Variants in MTUS2 observed in about 807,000 individuals in gnomAD.
The protein encoded by MTUS2 is microtubule-associated tumor suppressor candidate 2.
Under a neutral mutation model 114.1 loss-of-function variants are expected in MTUS2, and 40 were observed. The observed-to-expected ratio is 0.35, with a 90% CI of 0.27 to 0.46. The LOEUF (loss-of-function observed/expected upper bound fraction) is 0.46, where lower values mean the gene tolerates loss of function less well. MTUS2 is among the 20% of genes least tolerant of loss of function. The pLI is 1.00. For missense variants in MTUS2, 1,679 were observed against 1,705.4 expected (o/e 0.98, Z 0.27); for synonymous variants, 688 against 672.0 (o/e 1.02, Z -0.37).
chr13:29,241,442 C>G (rs1303372128), intron 5 of MTUS2, among the ~76,000 whole-genome samples: 1 of 152,154 alleles, frequency 6.6e-6, no homozygotes, highest in African/African-American at 2.4e-5. Flanking sequence ...CGGGGTCTCA[C>G]ATTCCCAGCA....
At chr13:28,861,463 A>G (rs1486917316) in intron 2 of MTUS2, among the ~76,000 whole-genome samples, 2 of 144,882 alleles carry the variant, frequency 1.4e-5, no homozygotes, top group African/African-American at 5.1e-5. Context: ...TTTACCCTTA[A>G]TGGTGTTAAC....
At chr13:29,002,390 C>T (rs1885423280) in intron 2 of MTUS2, among the ~76,000 whole-genome samples, 1 of 152,170 alleles carries the variant, frequency 6.6e-6, no homozygotes. Flanking sequence ...CCTGCTTATA[C>T]CACAATTGAT....
chr13:29,440,189 T>TGCTG, intron 9 of MTUS2, 140 bp downstream of exon 9: 4 of 790,800 alleles, frequency 5.1e-6, no homozygotes, highest in South Asian at 1.7e-5. Context: ...CCCAGCACAG[T>TGCTG]GGTGGGCTGC....
intron 2 of MTUS2, among the ~76,000 whole-genome samples, chr13:28,896,375 C>T (rs1308952416): frequency 6.6e-6 from 1 of 152,156 alleles, no homozygotes; most frequent in Non-Finnish European, 1.5e-5. Context: ...AGGAGAACTA[C>T]AAACCACTGC....
At chr13:28,824,965 C>T (rs188582581) in intron 1 of MTUS2, among the ~76,000 whole-genome samples, 96 of 152,262 alleles carry the variant, frequency 6.3e-4, no homozygotes, top group Non-Finnish European at 6.6e-4. Flanking sequence ...GAGCAGAGCC[C>T]TAAAGGAGAT....
intron 2 of MTUS2, among the ~76,000 whole-genome samples, chr13:28,975,175 A>G (rs1884032167): frequency 1.3e-5 from 2 of 152,186 alleles, no homozygotes; most frequent in Admixed American, 1.3e-4. Flanking sequence ...TGCTATTGAA[A>G]ATGTTAGTGT....
At chr13:29,094,908 T>C (rs68086952) in intron 4 of MTUS2, among the ~76,000 whole-genome samples, 9,646 of 152,128 alleles carry the variant, frequency 0.063, 337 homozygotes, top group Non-Finnish European at 0.082. Context: ...ATTTTCTAAT[T>C]CCCCTTTCAA....
At chr13:29,340,763 G>T (rs527725992) in intron 7 of MTUS2, among the ~76,000 whole-genome samples, 1 of 152,154 alleles carries the variant, frequency 6.6e-6, no homozygotes, top group South Asian at 2.1e-4. Flanking sequence ...AGCAGTGTAC[G>T]TTGCATGCAA....
intron 5 of MTUS2, among the ~76,000 whole-genome samples, chr13:29,230,971 T>C (rs1275253412): frequency 6.6e-6 from 1 of 152,226 alleles, no homozygotes; most frequent in Non-Finnish European, 1.5e-5. Context: ...TTCAGTACTT[T>C]AGAAAATATC....
chr13:29,208,648 C>T (rs1895295583), intron 5 of MTUS2, among the ~76,000 whole-genome samples: 2 of 152,070 alleles, frequency 1.3e-5, no homozygotes, highest in Non-Finnish European at 2.9e-5. Context: ...TCATTTGGTT[C>T]AAAGAATTTT....
At chr13:28,969,960 T>C (rs1883776937) in intron 2 of MTUS2, among the ~76,000 whole-genome samples, 1 of 152,216 alleles carries the variant, frequency 6.6e-6, no homozygotes, top group Non-Finnish European at 1.5e-5. Context: ...TTTGTAATTT[T>C]AGTAGAGACA....
At chr13:28,945,946 G>A (rs564970771) in intron 2 of MTUS2, among the ~76,000 whole-genome samples, 2 of 152,216 alleles carry the variant, frequency 1.3e-5, no homozygotes, top group South Asian at 4.1e-4. Flanking sequence ...AATGTATGTA[G>A]TGGTCTTTTA....
At chr13:29,281,670 A>G in intron 5 of MTUS2, 34 bp from the exon 6 acceptor site, 2 of 1,553,396 alleles carry the variant, frequency 1.3e-6, no homozygotes, top group Non-Finnish European at 8.7e-7. Flanking sequence ...ATTTTTCATG[A>G]AGTTATAATT....
chr13:29,439,621 G>A (rs577230360), intron 8 of MTUS2, among the ~76,000 whole-genome samples: 10 of 152,160 alleles, frequency 6.6e-5, no homozygotes, highest in Middle Eastern at 3.4e-3. Flanking sequence ...TTTAATGGTC[G>A]GAAATCTCAT....
intron 4 of MTUS2, among the ~76,000 whole-genome samples, chr13:29,039,511 C>A (rs553854923): frequency 6.6e-6 from 1 of 152,174 alleles, no homozygotes; most frequent in Non-Finnish European, 1.5e-5. Flanking sequence ...TCTGGGGGAC[C>A]GGGGAAGCTC....
At chr13:29,435,820 G>A (rs921452172) in intron 8 of MTUS2, among the ~76,000 whole-genome samples, 5 of 152,202 alleles carry the variant, frequency 3.3e-5, no homozygotes, top group African/African-American at 4.8e-5. Flanking sequence ...AAGGGCTGTC[G>A]CCAAACTGCG....
At chr13:29,329,232 T>C (rs1900659406) in intron 7 of MTUS2, among the ~76,000 whole-genome samples, 1 of 152,116 alleles carries the variant, frequency 6.6e-6, no homozygotes. Context: ...GCTGCACCCA[T>C]GAACCCATTA....
At chr13:28,957,740 G>GT (rs1487827242) in intron 2 of MTUS2, among the ~76,000 whole-genome samples, 3 of 152,180 alleles carry the variant, frequency 2.0e-5, no homozygotes, top group Non-Finnish European at 2.9e-5. Flanking sequence ...CTGTATTCAG[G>GT]TAACTTGCCA....
At chr13:29,011,919 T>C (rs1344851436) in intron 2 of MTUS2, among the ~76,000 whole-genome samples, 1 of 152,228 alleles carries the variant, frequency 6.6e-6, no homozygotes, top group East Asian at 1.9e-4. Context: ...TATGAGCTTC[T>C]GATGAAAGAT....
Sources: gnomAD v4.1 joint callset for allele counts (sites outside exome capture counted in the v4.1 genomes callset) on GRCh38, gnomAD v4.1.1 for gene constraint, MANE v1.5 for transcripts, NCBI Gene and HGNC (gene_info 2026-07-23, HGNC 2026-07-21) for gene names.